Variants in RBPJ observed in about 807,000 individuals in gnomAD.
The protein encoded by RBPJ is recombining binding protein suppressor of hairless.
A neutral mutation model predicts 67.8 loss-of-function variants in RBPJ; 9 were observed. The observed-to-expected ratio is 0.13, with a 90% CI of 0.08 to 0.23. The LOEUF (loss-of-function observed/expected upper bound fraction) is 0.23, where lower values mean the gene tolerates loss of function less well. Among genes scored for constraint, RBPJ ranks in the 10% least tolerant of loss-of-function variants. The probability of loss-of-function intolerance (pLI) is 1.00; values close to 1 mark genes in which losing one functional copy is unlikely to be tolerated. For synonymous variants in RBPJ, 198 were observed against 203.3 expected (o/e 0.97, Z 0.22); for missense variants, 305 against 595.6 (o/e 0.51, Z 5.08).
chr4:26,134,650 G>GGA, the RBPJ span, among the ~76,000 whole-genome samples: 2 of 152,156 alleles, frequency 1.3e-5, no homozygotes, highest in Non-Finnish European at 2.9e-5. Context: ...CCAGAAATGT[G>GGA]CGTTTTACCA....
chr4:26,362,681 T>C, intron 1 of RBPJ: 1 of 1,367,146 alleles, frequency 7.3e-7, no homozygotes, highest in Non-Finnish European at 1.0e-6. Flanking sequence ...GAATGAACAC[T>C]CATGATTCTG....
intron 2 of RBPJ, among the ~76,000 whole-genome samples, chr4:26,390,366 A>G (rs1731379103): frequency 6.6e-6 from 1 of 152,202 alleles, no homozygotes; most frequent in African/African-American, 2.4e-5. Context: ...CTGCTTTCAC[A>G]GATTTCATTT....
chr4:26,430,961 C>T lies in RBPJ; in HGVS notation c.1418C>T (p.Thr473Ile). ...GAGGGAAGTTACACAAACGCCAGCA[C>T]AAATTCAACCAGTGTCACATCATCT... ...NSEGSYTNAS[T>I]NSTSVTSSTA... Residue 473 changes from threonine to isoleucine, a missense_variant, in exon 11 of 11, where the codon ACA becomes ATA. Thr to Ile is a moderately conservative substitution (Grantham distance 89). Coordinates refer to ENST00000355476, the MANE Select transcript of RBPJ (RefSeq NM_015874.6). The surrounding 1 kb of genome is among the most constrained non-coding windows in gnomAD (Gnocchi z 4.1). 6.2e-7 allele frequency: 1 copy of T among 1,613,940 alleles called. No homozygotes were observed. Among genetic ancestry groups the T allele is most frequent in the South Asian group, 1.1e-5 (1 of 91,082 alleles).
intron 1 of RBPJ, among the ~76,000 whole-genome samples, chr4:26,210,334 GGT>G (rs1461270037): frequency 6.6e-6 from 1 of 152,100 alleles, no homozygotes; most frequent in Non-Finnish European, 1.5e-5. Flanking sequence ...ATTTCTATTT[GGT>G]GTGTGAGTTG....
At chr4:26,356,599 ATTC>A (rs1477228869) in intron 1 of RBPJ, among the ~76,000 whole-genome samples, 1 of 152,170 alleles carries the variant, frequency 6.6e-6, no homozygotes, top group Non-Finnish European at 1.5e-5. Flanking sequence ...AAAATTTATA[ATTC>A]TTCTTTAGTT....
chr4:26,261,324 TC>T (rs1033948625), intron 1 of RBPJ, among the ~76,000 whole-genome samples: 45 of 152,060 alleles, frequency 3.0e-4, no homozygotes, highest in African/African-American at 1.0e-3. Context: ...ATGAATGGAT[TC>T]TTTTTTTTAA....
chr4:26,162,256 C>G (rs922715111), upstream of RBPJ, among the ~76,000 whole-genome samples: 1 of 152,196 alleles, frequency 6.6e-6, no homozygotes, highest in Non-Finnish European at 1.5e-5. Flanking sequence ...GACAGCCGAC[C>G]GTCTCACTTT....
chr4:26,300,457 G>A (rs1201786218), intron 1 of RBPJ, among the ~76,000 whole-genome samples: 2 of 152,206 alleles, frequency 1.3e-5, no homozygotes, highest in Non-Finnish European at 2.9e-5. Context: ...ACTTAAAATT[G>A]TAAATGTTGT....
intron 2 of RBPJ, 33 bp from the exon 3 acceptor site, chr4:26,406,142 C>G (rs1733382579): frequency 2.2e-6 from 3 of 1,350,636 alleles, no homozygotes; most frequent in Non-Finnish European, 3.2e-6. Context: ...AGAATTTCAC[C>G]TCTGTAACAG....
chr4:26,379,523 A>G (rs1174261314), intron 1 of RBPJ, among the ~76,000 whole-genome samples: 1 of 152,188 alleles, frequency 6.6e-6, no homozygotes, highest in Non-Finnish European at 1.5e-5. Context: ...AAGCTGCAGG[A>G]AAAAGAGCAT....
intron 1 of RBPJ, among the ~76,000 whole-genome samples, chr4:26,284,666 G>A (rs1307648201): frequency 2.6e-5 from 4 of 151,478 alleles, no homozygotes; most frequent in East Asian, 1.9e-4. Flanking sequence ...ATGGGGCTTC[G>A]CCATGTCGGC....
chr4:26,310,233 T>C lies in RBPJ; in HGVS notation c.-166-52213T>C, dbSNP rs74397024. Among the ~76,000 whole-genome samples the C allele has an allele frequency of 4.0e-3, 611 of 152,342 alleles. 2 individuals carry two copies. The highest frequency in any genetic ancestry group is 5.7e-3 in the Non-Finnish European group (389 of 68,028). ...TCCTGGAGTTCGAGCTTATTTTCTA[T>C]ATGGAATTGCAGAGTCTGATGGAAT... On this transcript the variant is annotated intron_variant, in intron 1 of 4. Coordinates refer to the RBPJ transcript ENST00000512351.
intron 1 of RBPJ, among the ~76,000 whole-genome samples, chr4:26,298,566 G>A (rs778598537): frequency 5.3e-5 from 8 of 152,218 alleles, no homozygotes; most frequent in African/African-American, 9.6e-5. Flanking sequence ...AGTAAGTGAA[G>A]AGGAAGAAGT....
chr4:26,417,305 G>A (rs1309473739), intron 4 of RBPJ, among the ~76,000 whole-genome samples: 2 of 152,090 alleles, frequency 1.3e-5, no homozygotes, highest in African/African-American at 2.4e-5. Flanking sequence ...CTTGCCTTTC[G>A]CAGCATTGTG....
rs548543109 is a variant in RBPJ, at chr4:26,244,248, T to C, written c.-167+80634T>C. The stretch of plus-strand genomic sequence containing the variant: ...ACACATATATGTGTCTATATATGTG[T>C]ACACATACACATATGTGTACACATA... On this transcript the variant is annotated intron_variant, in intron 1 of 4. Coordinates refer to the RBPJ transcript ENST00000512351. Among the ~76,000 whole-genome samples the C allele has an allele frequency of 7.0e-3, 123 of 17,616 alleles. 15 individuals are homozygous for C. Among genetic ancestry groups the C allele is most frequent in the Admixed American group, 0.015 (24 of 1,622 alleles). 11.6% of individuals were successfully genotyped at this position (17,616 alleles called of 152,430 possible).
intron 1 of RBPJ, chr4:26,272,705 A>C (rs377284868): frequency 2.2e-6 from 1 of 454,524 alleles, no homozygotes. Context: ...CCTGCTTAAA[A>C]ATAGGGCTTA....
intron 2 of RBPJ, among the ~76,000 whole-genome samples, chr4:26,387,030 G>A (rs1435605072): frequency 2.6e-5 from 4 of 152,018 alleles, no homozygotes; most frequent in Non-Finnish European, 5.9e-5. Context: ...GTATGTGTCT[G>A]TCCTTTTTCT....
At chr4:26,278,547 C>G (rs1721155239) in intron 1 of RBPJ, among the ~76,000 whole-genome samples, 1 of 152,196 alleles carries the variant, frequency 6.6e-6, no homozygotes, top group Non-Finnish European at 1.5e-5. Flanking sequence ...CAGGACACAT[C>G]TGCATTGCTA....
chr4:26,368,454 G>A (rs1436566260), intron 1 of RBPJ, among the ~76,000 whole-genome samples: 1 of 151,926 alleles, frequency 6.6e-6, no homozygotes, highest in Non-Finnish European at 1.5e-5. Flanking sequence ...CCTCATACTG[G>A]TTATCCTGTT....
Sources: allele counts gnomAD v4.1 joint callset (sites outside exome capture counted in the v4.1 genomes callset), GRCh38; gene constraint gnomAD v4.1.1; non-coding constraint Gnocchi (gnomAD v3.1); transcripts MANE v1.5; gene names NCBI Gene and HGNC (gene_info 2026-07-23, HGNC 2026-07-21).